Variants in GRIN2B observed in about 807,000 individuals in gnomAD.
GRIN2B encodes glutamate receptor ionotropic, NMDA 2B.
GRIN2B carries 5 observed loss-of-function variants against 114.5 expected under a neutral mutation model. The ratio of observed to expected loss-of-function variants is 0.04; its 90% CI spans 0.02 to 0.09. GRIN2B has a LOEUF of 0.09. Ranked by LOEUF, GRIN2B falls within the 10% of genes least tolerant of loss-of-function variation. The probability of loss-of-function intolerance (pLI) is 1.00; values close to 1 mark genes in which losing one functional copy is unlikely to be tolerated. For missense variants in GRIN2B, 1,108 were observed against 1,943.5 expected, an observed-to-expected ratio of 0.57 and a Z score of 8.08; for synonymous variants, 787 against 745.1, an observed-to-expected ratio of 1.06 and a Z score of -0.92.
In GRIN2B at chr12:13,604,187, C is replaced by T. The variant is rs542401323; in HGVS notation, c.2010+4416G>A. On this transcript the variant is annotated intron_variant, in intron 10 of 13. Coordinates refer to ENST00000609686, the MANE Select transcript of GRIN2B (RefSeq NM_000834.5). ...CCTCCCACTGGGGGAGCTGATGGAACGTACAGTCGGGTTGCTGAATGTTCG... is the reference window on the plus strand; with the variant it reads ...CCTCCCACTGGGGGAGCTGATGGAATGTACAGTCGGGTTGCTGAATGTTCG... 1.8e-3 allele frequency among the ~76,000 whole-genome samples: 274 copies of T among 152,194 alleles called. 1 individual carries two copies. Among genetic ancestry groups the T allele is most frequent in the Non-Finnish European group, 2.4e-3 (163 of 68,014 alleles).
Position 13,616,590 on chromosome 12 carries a change from G to A in GRIN2B, c.1193C>T (p.Thr398Ile). ...CAGATGGTCATCCTCCTGCTCTTCA[G>A]TCTCTGGACACATTCGGGGCCACAC... ...YYVWPRMCPE[T>I]EEQEDDHLSI... The change falls in exon 6 of 14, where the codon ACT becomes ATT. Residue 398 changes from threonine (T) to isoleucine (I), a missense_variant. By Grantham distance (89) the Thr-to-Ile change is moderately conservative (BLOSUM62 -1). This residue lies in a region of GRIN2B where 21 missense variants were observed against 25.4 expected (regional missense o/e 0.83). Transcript: ENST00000609686. 6.2e-7 allele frequency: 1 copy of A among 1,613,888 alleles called. No individual in the cohort carries two copies. Among genetic ancestry groups the A allele is most frequent in the Non-Finnish European group, 8.5e-7 (1 of 1,179,796 alleles).
intron 5 of GRIN2B, among the ~76,000 whole-genome samples, chr12:13,674,720 A>G (rs1201604093): frequency 6.6e-6 from 1 of 152,142 alleles, no homozygotes; most frequent in Non-Finnish European, 1.5e-5. Flanking sequence ...GTTGTCTTAA[A>G]TCAGTTTCCC....
chr12:13,698,753 G>T (rs1950284254), intron 4 of GRIN2B, among the ~76,000 whole-genome samples: 1 of 152,112 alleles, frequency 6.6e-6, no homozygotes, highest in Admixed American at 6.5e-5. Context: ...CACGATCCTG[G>T]CTCACTGCAA....
chr12:13,745,141 C>T (rs1300496750), intron 4 of GRIN2B, among the ~76,000 whole-genome samples: 1 of 152,158 alleles, frequency 6.6e-6, no homozygotes, highest in Non-Finnish European at 1.5e-5. Context: ...CATCTCTGCT[C>T]TCGGGAAGCT....
At chr12:13,763,678 G>A (rs1188799591) in intron 3 of GRIN2B, among the ~76,000 whole-genome samples, 4 of 152,130 alleles carry the variant, frequency 2.6e-5, no homozygotes, top group African/African-American at 9.7e-5. Flanking sequence ...CCACCAAGGG[G>A]GTTATCTGTT....
intron 2 of GRIN2B, among the ~76,000 whole-genome samples, chr12:13,964,827 C>T (rs189499503): frequency 1.1e-4 from 16 of 152,284 alleles, no homozygotes; most frequent in South Asian, 4.1e-4. Flanking sequence ...CTGTTTGTGA[C>T]GGCAGCGGTG....
intron 2 of GRIN2B, among the ~76,000 whole-genome samples, chr12:13,914,203 G>A (rs1473397320): frequency 1.3e-5 from 2 of 152,020 alleles, no homozygotes; most frequent in Non-Finnish European, 2.9e-5. Flanking sequence ...TTTCACTACT[G>A]GTCCCCTGCC....
intron 3 of GRIN2B, among the ~76,000 whole-genome samples, chr12:13,829,554 T>C (rs535694766): frequency 1.2e-3 from 179 of 152,356 alleles, no homozygotes; most frequent in Middle Eastern, 3.4e-3. Context: ...TCTGCAGCCC[T>C]GGCCTAACAG....
At chr12:13,659,461 T>G (rs941693742) in intron 5 of GRIN2B, among the ~76,000 whole-genome samples, 3 of 152,174 alleles carry the variant, frequency 2.0e-5, no homozygotes, top group African/African-American at 7.2e-5. Context: ...ATGAATTTTT[T>G]GAAGAGAAGT....
At chr12:13,782,448 G>A (rs2136656466) in intron 3 of GRIN2B, among the ~76,000 whole-genome samples, 1 of 152,208 alleles carries the variant, frequency 6.6e-6, no homozygotes, top group Non-Finnish European at 1.5e-5. Flanking sequence ...TTGCCACTGA[G>A]GTTAAGAACA....
intron 4 of GRIN2B, among the ~76,000 whole-genome samples, chr12:13,723,237 C>T (rs1292671922): frequency 6.6e-6 from 1 of 151,662 alleles, no homozygotes; most frequent in Non-Finnish European, 1.5e-5. Context: ...TTTGCTGCAC[C>T]CATCAACCCA....
In GRIN2B at chr12:13,615,814, A is replaced by C; in HGVS notation, c.1329-150T>G. 1.4e-6 allele frequency: 1 copy of C among 708,266 alleles called. No individual in the cohort carries two copies. The highest frequency in any genetic ancestry group is 2.5e-6 in the Non-Finnish European group (1 of 393,034). 43.9% of individuals were successfully genotyped at this position (708,266 alleles called of 1,614,324 possible). A position where few individuals can be genotyped will look rare whatever the true frequency, so the allele number is the denominator to read the frequency against. On this transcript the variant is annotated intron_variant, in intron 6 of 13. Transcript: ENST00000609686. The surrounding 1 kb of genome is among the most constrained non-coding windows in gnomAD (Gnocchi z 5.8). ...AATTTATACTAGACTCGAGTGAAGA[A>C]ATAAAGCAGGCAACAGACCTGCAAT...
rs866015545 is a variant in GRIN2B, at chr12:13,547,955, G to A, written c.*14828C>T. The A allele has an allele frequency of 2.5e-5, 2 of 79,264 alleles. No individual in the cohort carries two copies. The highest frequency in any genetic ancestry group is 5.5e-4 in the South Asian group (1 of 1,804). The allele number at this position is 79,264 out of a possible 1,614,324, so 4.9% of individuals were successfully genotyped here. ...TGTATATGTATGTATGTATGTATGT[G>A]TGTGTATATATATATATATATATAT... On this transcript the variant is annotated 3_prime_UTR_variant, in exon 14 of 14. Transcript: ENST00000609686.
intron 2 of GRIN2B, among the ~76,000 whole-genome samples, chr12:13,899,120 C>T (rs781752963): frequency 1.1e-4 from 17 of 152,106 alleles, no homozygotes; most frequent in Non-Finnish European, 2.2e-4. Flanking sequence ...TAGAACCTAA[C>T]ACTGTCTTAC....
chr12:13,693,010 T>C (rs796913547), intron 4 of GRIN2B, among the ~76,000 whole-genome samples: 22 of 152,120 alleles, frequency 1.4e-4, no homozygotes, highest in African/African-American at 5.3e-4. Context: ...TCAGGTGATC[T>C]GCCTGCCTAG....
intron 2 of GRIN2B, among the ~76,000 whole-genome samples, chr12:13,951,994 T>C (rs1038023198): frequency 9.8e-5 from 15 of 152,310 alleles, no homozygotes; most frequent in African/African-American, 3.6e-4. Context: ...CTAAGCACAA[T>C]TGATATATCA....
chr12:13,875,168 T>C (rs1299675328), intron 2 of GRIN2B, among the ~76,000 whole-genome samples: 1 of 152,102 alleles, frequency 6.6e-6, no homozygotes, highest in African/African-American at 2.4e-5. Context: ...AGTTTACCTA[T>C]GTAACAAACC....
chr12:13,908,913 T>G (rs1866586992), intron 2 of GRIN2B, among the ~76,000 whole-genome samples: 1 of 152,164 alleles, frequency 6.6e-6, no homozygotes, highest in South Asian at 2.1e-4. Flanking sequence ...GCTGCACTGC[T>G]CCAGAAGGGA....
chr12:13,910,353 C>T (rs1299967937), intron 2 of GRIN2B, among the ~76,000 whole-genome samples: 1 of 152,164 alleles, frequency 6.6e-6, no homozygotes, highest in African/African-American at 2.4e-5. Flanking sequence ...TCTAAAATGC[C>T]TTGGTGTTAG....
Sources: allele counts gnomAD v4.1 joint callset (sites outside exome capture counted in the v4.1 genomes callset), GRCh38; gene constraint gnomAD v4.1.1; regional missense constraint gnomAD v4.1.1; non-coding constraint Gnocchi (gnomAD v3.1); transcripts MANE v1.5; gene names NCBI Gene and HGNC (gene_info 2026-07-23, HGNC 2026-07-21).